DEPTOR: variants seen among roughly 807,000 people sequenced by gnomAD.
The protein encoded by DEPTOR is DEP domain-containing mTOR-interacting protein.
In DEPTOR, 41 loss-of-function variants were observed where a neutral mutation model predicts 41.6. That is an observed-to-expected ratio of 0.98 (90% CI 0.77 to 1.28). DEPTOR has a LOEUF of 1.28. DEPTOR is among the 50% of genes most tolerant of loss of function. DEPTOR has a pLI of 0.00. For missense variants in DEPTOR, 514 were observed against 527.9 expected, an observed-to-expected ratio of 0.97 and a Z score of 0.26; for synonymous variants, 195 against 192.3, an observed-to-expected ratio of 1.01 and a Z score of -0.12.
chr8:119,909,293 G>T (rs1446255219), intron 1 of DEPTOR, among the ~76,000 whole-genome samples: 4 of 152,202 alleles, frequency 2.6e-5, no homozygotes. Flanking sequence ...TCAAATGACA[G>T]CTGTCAGGAG....
At chr8:119,984,251 A>G (rs1828802403) in intron 4 of DEPTOR, among the ~76,000 whole-genome samples, 1 of 151,980 alleles carries the variant, frequency 6.6e-6, no homozygotes, top group South Asian at 2.1e-4. Context: ...CAGGGACGCT[A>G]CTAGGCCTTT....
rs73705880 is a variant in DEPTOR at position 120,011,532 on chromosome 8, G to A, written c.1101+2399G>A. Among the ~76,000 whole-genome samples, 438 of 152,254 alleles carry A rather than the reference G, an allele frequency of 2.9e-3. 3 individuals carry two copies. Among genetic ancestry groups the A allele is most frequent in the African/African-American group, 0.01 (420 of 41,560 alleles). Reference sequence around the variant, plus strand: ...ATTTTATTTCCACAATAAAGTACCTGGTATAAATTTTTTTTGGCACAATGC... The same window carrying A: ...ATTTTATTTCCACAATAAAGTACCTAGTATAAATTTTTTTTGGCACAATGC... On this transcript the variant is annotated intron_variant, in intron 8 of 8. Coordinates refer to ENST00000286234, the MANE Select transcript of DEPTOR (RefSeq NM_022783.4).
intron 4 of DEPTOR, among the ~76,000 whole-genome samples, chr8:120,000,146 G>T (rs1031644583): frequency 1.3e-5 from 2 of 152,096 alleles, no homozygotes; most frequent in African/African-American, 2.4e-5. Context: ...GCTTTATGAA[G>T]ATATAGTTCA....
At chr8:119,978,763 T>G (rs1828727390) in intron 4 of DEPTOR, among the ~76,000 whole-genome samples, 1 of 152,202 alleles carries the variant, frequency 6.6e-6, no homozygotes. Context: ...CTTGCTGCAC[T>G]GCTGTCACTC....
At chr8:119,896,498 T>TTTTTGTTTTG (rs59477615) in intron 1 of DEPTOR, among the ~76,000 whole-genome samples, 10 of 150,868 alleles carry the variant, frequency 6.6e-5, no homozygotes, top group East Asian at 2.0e-4. Flanking sequence ...TTTCTTTGTG[T>TTTTTGTTTTG]TTTTGTTTTG....
intron 8 of DEPTOR, among the ~76,000 whole-genome samples, chr8:120,011,566 T>C (rs1188139365): frequency 6.6e-6 from 1 of 152,228 alleles, no homozygotes; most frequent in Non-Finnish European, 1.5e-5. Context: ...GCTTCAGTTC[T>C]GAGTGTGCAC....
At chr8:119,874,266 G>GCT in intron 1 of DEPTOR, 1 of 400,872 alleles carries the variant, frequency 2.5e-6, no homozygotes, top group South Asian at 3.1e-5. Flanking sequence ...CACCCACCGC[G>GCT]CTGTCCGTCT....
chr8:119,881,779 C>A (rs1827300462), intron 1 of DEPTOR, among the ~76,000 whole-genome samples: 1 of 151,878 alleles, frequency 6.6e-6, no homozygotes, highest in South Asian at 2.1e-4. Flanking sequence ...TAAATTACTG[C>A]CTATACAGAT....
intron 8 of DEPTOR, among the ~76,000 whole-genome samples, chr8:120,028,074 A>G (rs1348882375): frequency 6.6e-6 from 1 of 152,192 alleles, no homozygotes. Flanking sequence ...ATTGATTTTC[A>G]TGCCTCAAAT....
At chr8:119,906,557 C>A (rs1586608715) in intron 1 of DEPTOR, among the ~76,000 whole-genome samples, 1 of 152,140 alleles carries the variant, frequency 6.6e-6, no homozygotes, top group Non-Finnish European at 1.5e-5. Context: ...CCTTTATAGA[C>A]CACTCTTAAG....
chr8:119,925,605 C>T (rs1271982935), intron 1 of DEPTOR, among the ~76,000 whole-genome samples: 1 of 151,964 alleles, frequency 6.6e-6, no homozygotes, highest in Non-Finnish European at 1.5e-5. Flanking sequence ...CATATCAGCC[C>T]CAGTGTCTAT....
At chr8:119,876,101 T>C (rs1827227903) in intron 1 of DEPTOR, among the ~76,000 whole-genome samples, 1 of 152,228 alleles carries the variant, frequency 6.6e-6, no homozygotes, top group East Asian at 1.9e-4. Flanking sequence ...TGGCTCTTTT[T>C]GTCCAGCAAG....
chr8:119,939,559 C>T (rs577373988), intron 3 of DEPTOR, among the ~76,000 whole-genome samples: 3 of 152,268 alleles, frequency 2.0e-5, no homozygotes, highest in South Asian at 4.2e-4. Context: ...GCGATCTCGG[C>T]TCACTGCAAA....
chr8:119,973,049 C>T (rs1828654151), intron 4 of DEPTOR, among the ~76,000 whole-genome samples: 1 of 151,872 alleles, frequency 6.6e-6, no homozygotes. Context: ...AAGCAATTCT[C>T]CTGCCTCAGC....
chr8:119,979,566 C>G (rs1828737336), intron 4 of DEPTOR, among the ~76,000 whole-genome samples: 1 of 152,134 alleles, frequency 6.6e-6, no homozygotes, highest in African/African-American at 2.4e-5. Flanking sequence ...CCTGGCCCAG[C>G]TTTTTTTCTA....
chr8:119,971,029 G>A (rs1327513343), intron 4 of DEPTOR, among the ~76,000 whole-genome samples: 1 of 152,092 alleles, frequency 6.6e-6, no homozygotes, highest in Admixed American at 6.5e-5. Flanking sequence ...GGGAGATCGA[G>A]ACCATCCTGG....
chr8:120,047,154 G>T (rs1486448374), intron 8 of DEPTOR, among the ~76,000 whole-genome samples: 2 of 152,072 alleles, frequency 1.3e-5, no homozygotes, highest in Non-Finnish European at 2.9e-5. Context: ...CTCCTGAGTA[G>T]CTGGGATTAC....
At chr8:119,979,033 A>C (rs1158640167) in intron 4 of DEPTOR, among the ~76,000 whole-genome samples, 2 of 152,150 alleles carry the variant, frequency 1.3e-5, no homozygotes, top group Non-Finnish European at 2.9e-5. Context: ...GCCAGGGAGT[A>C]ACTACCAGGA....
rs1368002570 is a variant in DEPTOR, at chr8:119,991,088, T to TTC, written c.605-10436_605-10435insCT. On this transcript the variant is annotated intron_variant, in intron 4 of 8. Coordinates refer to ENST00000286234, the MANE Select transcript of DEPTOR (RefSeq NM_022783.4). ...TTTCTTTCTTTCTTTCTTTCTTTCTTTTTCTTTCTTTCTTTCTTTCTTTCT... is the reference window on the plus strand; with the variant it reads ...TTTCTTTCTTTCTTTCTTTCTTTCTTTCTTTCTTTCTTTCTTTCTTTCTTTCT... 5.6e-3 allele frequency among the ~76,000 whole-genome samples: 255 copies of TTC among 45,648 alleles called. 2 individuals carry two copies. The highest frequency in any genetic ancestry group is 0.017 in the East Asian group (11 of 650). 29.9% of individuals were successfully genotyped at this position (45,648 alleles called of 152,430 possible).
Sources: gnomAD v4.1 joint callset for allele counts (sites outside exome capture counted in the v4.1 genomes callset) on GRCh38, gnomAD v4.1.1 for gene constraint, MANE v1.5 for transcripts, NCBI Gene and HGNC (gene_info 2026-07-23, HGNC 2026-07-21) for gene names.